Variants in ZNF706 observed in about 807,000 individuals in gnomAD.
The protein encoded by ZNF706 is transcriptional regulator ZNF706.
Under a neutral mutation model 9.2 loss-of-function variants are expected in ZNF706, and 4 were observed. The ratio of observed to expected loss-of-function variants is 0.43; its 90% CI spans 0.21 to 0.99. The LOEUF is 0.99. ZNF706 is among the 50% of genes least tolerant of loss of function. ZNF706 has a pLI of 0.26. For synonymous variants in ZNF706, 28 were observed against 27.3 expected (o/e 1.03, Z -0.08); for missense variants, 27 against 87.8 (o/e 0.31, Z 2.77).
At chr8:101,204,869 GGCCCAGGCAGC>G (rs1201891778) in intron 1 of ZNF706, 1 of 985,638 alleles carries the variant, frequency 1.0e-6, no homozygotes, top group Non-Finnish European at 1.2e-6. Context: ...GAAAGGAAGA[GGCCCAGGCAGC>G]GCTCCACATC....
chr8:101,199,252 A>T lies in ZNF706; in HGVS notation c.*13-13T>A, dbSNP rs1441362938. On this transcript the variant is annotated splice_polypyrimidine_tract_variant and intron_variant, in intron 3 of 3. Transcript: ENST00000311212. ...GTCATGAATTCACCTATAAAACATAAGCAAAATTTTCAATGAATGTTACCA... is the reference window on the plus strand; with the variant it reads ...GTCATGAATTCACCTATAAAACATATGCAAAATTTTCAATGAATGTTACCA... 2 of 701,672 alleles carry T rather than the reference A, an allele frequency of 2.9e-6. No homozygotes were observed. The highest frequency in any genetic ancestry group is 3.0e-5 in the South Asian group (2 of 67,510). The allele number at this position is 701,672 out of a possible 1,614,324, so 43.5% of individuals were successfully genotyped here. A position where few individuals can be genotyped will look rare whatever the true frequency, so the allele number is the denominator to read the frequency against.
Position 101,198,365 on chromosome 8 carries a change from G to A in ZNF706, c.*887C>T, listed in dbSNP as rs1810436991. ...ATCCATTTGTAAAAATGGCCAAATA[G>A]TAACTTCCAAAAACCTCAAAAATTA... On this transcript the variant is annotated 3_prime_UTR_variant, in exon 4 of 4. Coordinates refer to ENST00000311212, the MANE Select transcript of ZNF706 (RefSeq NM_016096.5). 6.6e-6 allele frequency: 1 copy of A among 152,086 alleles called. No individual in the cohort carries two copies. The highest frequency in any genetic ancestry group is 1.5e-5 in the Non-Finnish European group (1 of 68,010). The allele number at this position is 152,086 out of a possible 1,614,324, so 9.4% of individuals were successfully genotyped here.
rs1810571143 is a variant in ZNF706 at position 101,201,896 on chromosome 8, C to T, written c.-2-153G>A. Among the ~76,000 whole-genome samples the T allele has an allele frequency of 6.6e-6, 1 of 152,036 alleles. No individual in the cohort carries two copies. Among genetic ancestry groups the T allele is most frequent in the Non-Finnish European group, 1.5e-5 (1 of 67,992 alleles). ...GTATTAAAATTCCCACATATAAATG[C>T]TACAAAAGTATCAATTGACACAACC... On this transcript the variant is annotated intron_variant, in intron 1 of 3. Transcript: ENST00000311212. The surrounding 1 kb of genome is among the most constrained non-coding windows in gnomAD (Gnocchi z 4.5).
In ZNF706 at chr8:101,205,200, G is replaced by A. The variant is rs1810711476; in HGVS notation, c.-3+235C>T. ...CAGCTGACCGGCGGCTGTCGCCGGGGGTAAGGTTACCGCTCCGCTTCCGCG... is the reference window on the plus strand; with the variant it reads ...CAGCTGACCGGCGGCTGTCGCCGGGAGTAAGGTTACCGCTCCGCTTCCGCG... On this transcript the variant is annotated intron_variant, in intron 1 of 3. Transcript: ENST00000311212. This position sits in a 1 kb window ranked among gnomAD's most constrained non-coding sequence, Gnocchi z 6.6. 6.5e-6 allele frequency: 1 copy of A among 152,782 alleles called. No homozygotes were observed. Among genetic ancestry groups the A allele is most frequent in the African/African-American group, 2.4e-5 (1 of 41,454 alleles). 9.5% of individuals were successfully genotyped at this position (152,782 alleles called of 1,614,324 possible). A position where few individuals can be genotyped will look rare whatever the true frequency, so the allele number is the denominator to read the frequency against.
Position 101,198,098 on chromosome 8 carries a change from T to G in ZNF706, c.*1154A>C, listed in dbSNP as rs1810427913. Reference sequence around the variant, plus strand: ...ATTAGCCTTCCTTAATTGGGTAAGATTTACCATATCCATCTGAACAAACCC... The same window carrying G: ...ATTAGCCTTCCTTAATTGGGTAAGAGTTACCATATCCATCTGAACAAACCC... On this transcript the variant is annotated 3_prime_UTR_variant, in exon 4 of 4. Transcript: ENST00000311212. 6.6e-6 allele frequency: 1 copy of G among 152,190 alleles called. No homozygotes were observed. Among genetic ancestry groups the G allele is most frequent in the African/African-American group, 2.4e-5 (1 of 41,454 alleles). 9.4% of individuals were successfully genotyped at this position (152,190 alleles called of 1,614,324 possible).
rs2129919891 is a variant in ZNF706 at position 101,205,505 on chromosome 8, A to T, written c.-73T>A. 1 of 154,812 alleles carries T rather than the reference A, an allele frequency of 6.5e-6. No homozygotes were observed. Among genetic ancestry groups the T allele is most frequent in the East Asian group, 1.9e-4 (1 of 5,206 alleles). 9.6% of individuals were successfully genotyped at this position (154,812 alleles called of 1,614,324 possible). On this transcript the variant is annotated 5_prime_UTR_variant, in exon 1 of 4. Transcript: ENST00000311212. The surrounding 1 kb of genome is among the most constrained non-coding windows in gnomAD (Gnocchi z 6.6). ...GGGCCGGGAGAGGACGCCGGAGGGA[A>T]AGGAAGGGGGAGCGCGCCCAGCACC...
Position 101,201,489 on chromosome 8 carries a change from G to A in ZNF706, c.135+118C>T. On this transcript the variant is annotated intron_variant, in intron 2 of 3. Transcript: ENST00000311212. The surrounding 1 kb of genome is among the most constrained non-coding windows in gnomAD (Gnocchi z 4.5). The stretch of plus-strand genomic sequence containing the variant: ...TGAAAATAGATACCTAAAATAATCA[G>A]CTCTCAAACCTACTATTTCATGTAA... 1 of 915,670 alleles carries A rather than the reference G, an allele frequency of 1.1e-6. No homozygotes were observed. The highest frequency in any genetic ancestry group is 1.7e-5 in the African/African-American group (1 of 59,476). 56.7% of individuals were successfully genotyped at this position (915,670 alleles called of 1,614,324 possible).
Position 101,199,141 on chromosome 8 carries a change from CCTTT to C in ZNF706, c.*107_*110del. On this transcript the variant is annotated 3_prime_UTR_variant, in exon 4 of 4. Transcript: ENST00000311212. Reference sequence around the variant, plus strand: ...CATAAAAATGAGTGTTTCTGTAGCCCCTTTATTTTTGCTGATCAACAGTTTGTTA... The same window carrying C: ...CATAAAAATGAGTGTTTCTGTAGCCCATTTTTGCTGATCAACAGTTTGTTA... 1 of 676,486 alleles carries C rather than the reference CCTTT, an allele frequency of 1.5e-6. No homozygotes were observed. The highest frequency in any genetic ancestry group is 2.7e-6 in the Non-Finnish European group (1 of 372,764). 41.9% of individuals were successfully genotyped at this position (676,486 alleles called of 1,614,324 possible). A position where few individuals can be genotyped will look rare whatever the true frequency, so the allele number is the denominator to read the frequency against.
At chr8:101,199,609 C>G (rs1810486742) in intron 3 of ZNF706, among the ~76,000 whole-genome samples, 1 of 152,168 alleles carries the variant, frequency 6.6e-6, no homozygotes, top group Admixed American at 6.5e-5. Context: ...AAAAAAGAAC[C>G]TCTGCTAAGT....
At chr8:101,200,989 T>C in intron 2 of ZNF706, 1 of 261,638 alleles carries the variant, frequency 3.8e-6, no homozygotes, top group Non-Finnish European at 8.0e-6. Flanking sequence ...TAATTTCCAT[T>C]AGTCAGTTTA....
intron 3 of ZNF706, 143 bp from the exon 4 acceptor site, chr8:101,199,382 G>T (rs183088386): frequency 3.5e-4 from 199 of 563,472 alleles, no homozygotes; most frequent in African/African-American, 3.3e-3. Flanking sequence ...GAACTCTGAA[G>T]AATTTATTTT....
At position 101,198,588 on chromosome 8, in the gene ZNF706, G is replaced by C. The variant is rs893355561; in HGVS notation, c.*664C>G. 1.3e-5 allele frequency: 2 copies of C among 152,154 alleles called. No individual in the cohort carries two copies. Among genetic ancestry groups the C allele is most frequent in the African/African-American group, 4.8e-5 (2 of 41,420 alleles). The allele number at this position is 152,154 out of a possible 1,614,324, so 9.4% of individuals were successfully genotyped here. On this transcript the variant is annotated 3_prime_UTR_variant, in exon 4 of 4. Transcript: ENST00000311212. ...TCCAACCGCTTTTAGGAAGCTATCA[G>C]TTATCTACAGGGTACACCTGACTGG...
In ZNF706 at chr8:101,205,376, G is replaced by GC. The variant is rs1181249321; in HGVS notation, c.-3+58dup. 6.6e-6 allele frequency: 1 copy of GC among 151,448 alleles called. No individual in the cohort carries two copies. Among genetic ancestry groups the GC allele is most frequent in the African/African-American group, 2.4e-5 (1 of 41,298 alleles). 9.4% of individuals were successfully genotyped at this position (151,448 alleles called of 1,614,324 possible). ...GGTCCCCACCGCCCCCCGCTGGCCG[G>GC]CCCCCGCCCCGTTTCCCGGGCGTCC... On this transcript the variant is annotated intron_variant, in intron 1 of 3. Transcript: ENST00000311212. This position sits in a 1 kb window ranked among gnomAD's most constrained non-coding sequence, Gnocchi z 6.6.
intron 1 of ZNF706, among the ~76,000 whole-genome samples, chr8:101,202,025 A>G (rs1424564330): frequency 1.3e-5 from 2 of 152,188 alleles, no homozygotes; most frequent in African/African-American, 4.8e-5. Flanking sequence ...AGACATGTAC[A>G]AAATGTTCTG....
In ZNF706 at chr8:101,200,056, C is replaced by T; in HGVS notation, c.177G>A (p.Glu59=). 1 of 1,612,400 alleles carries T rather than the reference C, an allele frequency of 6.2e-7. No individual in the cohort carries two copies. Reference sequence around the variant, plus strand: ...GAAGTGGAGTCTTAGGATGCTTGCTCTCAAAGTGCTGCTTGAAGGTCTTAG... The same window carrying T: ...GAAGTGGAGTCTTAGGATGCTTGCTTTCAAAGTGCTGCTTGAAGGTCTTAG... The part of the protein sequence containing the change: ...PDPKTFKQHF[E]SKHPKTPLPP... Residue 59 remains glutamate, a synonymous_variant, in exon 3 of 4, where the codon GAG becomes GAA. Coordinates refer to ENST00000311212, the MANE Select transcript of ZNF706 (RefSeq NM_016096.5).
chr8:101,199,859 A>G, intron 3 of ZNF706, 131 bp downstream of exon 3: 1 of 642,242 alleles, frequency 1.6e-6, no homozygotes, highest in Non-Finnish European at 2.6e-6. Flanking sequence ...CTTTTCAGTT[A>G]CACATTAACT....
chr8:101,199,791 G>A (rs906475844), intron 3 of ZNF706, among the ~76,000 whole-genome samples, 199 bp downstream of exon 3: 7 of 152,162 alleles, frequency 4.6e-5, no homozygotes, highest in Admixed American at 4.6e-4. Context: ...TTTGGCTACA[G>A]TAGTAAAAAT....
chr8:101,202,715 T>C (rs1810606605), intron 1 of ZNF706: 2 of 152,236 alleles, frequency 1.3e-5, no homozygotes, highest in Admixed American at 1.3e-4. Flanking sequence ...CATTGAATTG[T>C]ACACTCAAGA....
chr8:101,206,158 G>A (rs1470072547), upstream of ZNF706: 3 of 152,252 alleles, frequency 2.0e-5, no homozygotes, highest in East Asian at 3.9e-4. Context: ...TCACATTCCC[G>A]GAGCCCCGCC....
Sources: gnomAD v4.1 joint callset for allele counts (sites outside exome capture counted in the v4.1 genomes callset) on GRCh38, gnomAD v4.1.1 for gene constraint, Gnocchi (gnomAD v3.1) non-coding constraint, MANE v1.5 for transcripts, NCBI Gene and HGNC (gene_info 2026-07-23, HGNC 2026-07-21) for gene names.